Variants in ATXN1 observed in about 807,000 individuals in gnomAD.
ATXN1 encodes ataxin 1.
Under a neutral mutation model 56.4 loss-of-function variants are expected in ATXN1, and 8 were observed. The ratio of observed to expected loss-of-function variants is 0.14; its 90% CI spans 0.08 to 0.26. The LOEUF is 0.26. ATXN1 is among the 10% of genes least tolerant of loss of function. The pLI, the probability that ATXN1 is intolerant of heterozygous loss-of-function variation, is 1.00. For missense variants in ATXN1, 987 were observed against 1,106.5 expected (o/e 0.89, Z 1.53); for synonymous variants, 514 against 494.6 (o/e 1.04, Z -0.52).
intron 5 of ATXN1, among the ~76,000 whole-genome samples, chr6:16,515,358 G>A (rs141947547): frequency 1.7e-3 from 265 of 152,028 alleles, no homozygotes; most frequent in African/African-American, 6.0e-3. Context: ...CCAACCCCCA[G>A]TTCAGGACCC....
intron 4 of ATXN1, among the ~76,000 whole-genome samples, chr6:16,567,520 T>C (rs236948): frequency 0.029 from 4,358 of 152,290 alleles, 183 homozygotes; most frequent in African/African-American, 0.097. Context: ...CTTTTTAATA[T>C]GGAAGCACAT....
rs372226481 is a variant in ATXN1 at position 16,686,324 on chromosome 6, A to G, written c.-614-28423T>C. Among the ~76,000 whole-genome samples the G allele has an allele frequency of 1.6e-4, 25 of 152,346 alleles. No individual in the cohort carries two copies. In the East Asian group the frequency reaches 4.8e-3, roughly 29 times the overall value. Reference sequence around the variant, plus strand: ...GGTATACATACACTTCCGAAGTAGTATAAAAAAAAGAGGTCATTTCAAATC... The same window carrying G: ...GGTATACATACACTTCCGAAGTAGTGTAAAAAAAAGAGGTCATTTCAAATC... On this transcript the variant is annotated intron_variant, in intron 2 of 7. Coordinates refer to ENST00000436367, the MANE Select transcript of ATXN1 (RefSeq NM_001128164.2).
intron 6 of ATXN1, among the ~76,000 whole-genome samples, chr6:16,404,948 T>C (rs1312668969): frequency 6.6e-6 from 1 of 152,200 alleles, no homozygotes; most frequent in Non-Finnish European, 1.5e-5. Flanking sequence ...CACTATTTAT[T>C]GCACACCTAA....
intron 6 of ATXN1, among the ~76,000 whole-genome samples, chr6:16,433,966 G>T (rs138261708): frequency 1.6e-3 from 247 of 152,332 alleles, no homozygotes; most frequent in African/African-American, 5.8e-3. Context: ...AGCAAACATG[G>T]ATGCCAAACT....
At chr6:16,598,679 T>C (rs181290147) in intron 3 of ATXN1, among the ~76,000 whole-genome samples, 1 of 152,268 alleles carries the variant, frequency 6.6e-6, no homozygotes, top group Admixed American at 6.5e-5. Flanking sequence ...GATGCTGGCT[T>C]CCTGGTGTGG....
At chr6:16,389,620 G>A (rs1323159463) in intron 6 of ATXN1, among the ~76,000 whole-genome samples, 2 of 152,142 alleles carry the variant, frequency 1.3e-5, no homozygotes, top group Admixed American at 6.5e-5. Context: ...CAAGAACTAC[G>A]CAGCAGATAA....
At position 16,698,985 on chromosome 6, in the gene ATXN1, T is replaced by C. The variant is rs528921532; in HGVS notation, c.-614-41084A>G. Among the ~76,000 whole-genome samples the C allele has an allele frequency of 1.5e-3, 223 of 152,354 alleles. No individual in the cohort carries two copies. In the Middle Eastern group the frequency reaches 0.017, roughly 12 times the overall value. On this transcript the variant is annotated intron_variant, in intron 2 of 7. Coordinates refer to ENST00000436367, the MANE Select transcript of ATXN1 (RefSeq NM_001128164.2). ...TCTAACCAGAAAAGAATAAAAAATG[T>C]TTAACTTGTACAACATAAACTTTGT...
intron 4 of ATXN1, among the ~76,000 whole-genome samples, chr6:16,566,150 A>T (rs1762212466): frequency 1.3e-5 from 2 of 152,238 alleles, no homozygotes; most frequent in Admixed American, 1.3e-4. Flanking sequence ...TCTATGTGAA[A>T]AAAATAGCCT....
chr6:16,730,506 T>TAA (rs1554129015), intron 2 of ATXN1, among the ~76,000 whole-genome samples: 12 of 147,132 alleles, frequency 8.2e-5, no homozygotes, highest in Non-Finnish European at 1.3e-4. Flanking sequence ...TATATATATA[T>TAA]AAATGTATTT....
intron 2 of ATXN1, among the ~76,000 whole-genome samples, chr6:16,681,491 T>C (rs1320730025): frequency 2.6e-5 from 4 of 152,238 alleles, no homozygotes; most frequent in African/African-American, 9.6e-5. Flanking sequence ...ATTAGGACGA[T>C]AATTTGGCAC....
At chr6:16,497,344 G>C (rs1050101947) in intron 5 of ATXN1, among the ~76,000 whole-genome samples, 1 of 151,656 alleles carries the variant, frequency 6.6e-6, no homozygotes, top group Non-Finnish European at 1.5e-5. Flanking sequence ...TCCCATTCCT[G>C]CTGACCCCAG....
intron 2 of ATXN1, among the ~76,000 whole-genome samples, chr6:16,745,413 G>A (rs1422552791): frequency 2.0e-5 from 3 of 152,166 alleles, no homozygotes; most frequent in South Asian, 2.1e-4. Context: ...CCTTGCAAAT[G>A]AGAACTGTAT....
chr6:16,341,798 C>T (rs1030928765), intron 6 of ATXN1, among the ~76,000 whole-genome samples: 113 of 151,582 alleles, frequency 7.5e-4, no homozygotes, highest in African/African-American at 2.1e-3. Context: ...GGATTATAGG[C>T]GTGAGCCACC....
chr6:16,382,701 G>T (rs1016469580), intron 6 of ATXN1, among the ~76,000 whole-genome samples: 6 of 152,052 alleles, frequency 3.9e-5, no homozygotes, highest in African/African-American at 1.4e-4. Flanking sequence ...AGTGAAGGGT[G>T]GTCATCCAAG....
At chr6:16,522,243 G>C (rs1461398754) in intron 5 of ATXN1, among the ~76,000 whole-genome samples, 1 of 152,006 alleles carries the variant, frequency 6.6e-6, no homozygotes, top group Non-Finnish European at 1.5e-5. Context: ...TGTTATTCTT[G>C]GTCATGGAAT....
chr6:16,372,867 G>A (rs1416952319), intron 6 of ATXN1, among the ~76,000 whole-genome samples: 2 of 152,184 alleles, frequency 1.3e-5, no homozygotes, highest in Non-Finnish European at 2.9e-5. Context: ...AGGGAGCTGT[G>A]ATTGCACACT....
intron 4 of ATXN1, among the ~76,000 whole-genome samples, chr6:16,566,704 A>C (rs1394222427): frequency 6.6e-6 from 1 of 152,186 alleles, no homozygotes; most frequent in South Asian, 2.1e-4. Flanking sequence ...ATACAAAAAA[A>C]AATTAGCCGG....
At chr6:16,351,830 A>G (rs1206349889) in intron 6 of ATXN1, among the ~76,000 whole-genome samples, 3 of 152,206 alleles carry the variant, frequency 2.0e-5, no homozygotes, top group Non-Finnish European at 4.4e-5. Flanking sequence ...GTAGGCTACA[A>G]ACAGTCCCAG....
intron 3 of ATXN1, among the ~76,000 whole-genome samples, chr6:16,643,627 CAAAAAAAAA>C (rs58223053): frequency 4.4e-4 from 28 of 63,182 alleles, no homozygotes; most frequent in African/African-American, 1.3e-3. Context: ...GAGACCCTGC[CAAAAAAAAA>C]AAAAAAAAAA....
Sources: gnomAD v4.1 joint callset for allele counts (sites outside exome capture counted in the v4.1 genomes callset) on GRCh38, gnomAD v4.1.1 for gene constraint, MANE v1.5 for transcripts, NCBI Gene and HGNC (gene_info 2026-07-23, HGNC 2026-07-21) for gene names.